The following AK7 variants were observed in gnomAD, a reference collection of about 807,000 sequenced individuals.
AK7 encodes ATP-AMP transphosphorylase 7.
AK7 carries 78 observed loss-of-function variants against 96.6 expected under a neutral mutation model. The ratio of observed to expected loss-of-function variants is 0.81; its 90% confidence interval spans 0.67 to 0.97. AK7 has a LOEUF of 0.97. Ranked by LOEUF, AK7 falls within the 50% of genes least tolerant of loss-of-function variation. The pLI, the probability that AK7 is intolerant of heterozygous loss-of-function variation, is 0.00. For missense variants in AK7, 855 were observed against 887.9 expected, an observed-to-expected ratio of 0.96 and a Z score of 0.47; for synonymous variants, 302 against 317.2, an observed-to-expected ratio of 0.95 and a Z score of 0.51.
intron 1 of AK7, among the ~76,000 whole-genome samples, chr14:96,396,865 C>G (rs1890110794): frequency 6.6e-6 from 1 of 152,230 alleles, no homozygotes; most frequent in South Asian, 2.1e-4. Flanking sequence ...AGCCATTGAA[C>G]ATTTAAATGT....
intron 10 of AK7, among the ~76,000 whole-genome samples, chr14:96,452,083 A>T (rs550693916): frequency 6.6e-6 from 1 of 152,336 alleles, no homozygotes; most frequent in South Asian, 2.1e-4. Context: ...TTTAATTATC[A>T]CAACTTTTCA....
In AK7 at chr14:96,472,694, TGAG is replaced by T. The variant is rs1416950076; in HGVS notation, c.1503_1505del (p.Glu502del). The T allele has an allele frequency of 5.0e-6, 8 of 1,612,534 alleles. No homozygotes were observed. The Admixed American group carries it at 5.0e-5, about 10-fold the overall frequency. ...AATATTTTGTTTTCTTAGAGGAAGATGAGGAGGAGGAAGATGATGTCAGAGGCA... is the reference window on the plus strand; with the variant it reads ...AATATTTTGTTTTCTTAGAGGAAGATGAGGAGGAAGATGATGTCAGAGGCA... On this transcript the variant is annotated inframe_deletion, in exon 14 of 18. Coordinates refer to ENST00000267584, the MANE Select transcript of AK7 (RefSeq NM_152327.5).
At chr14:96,478,393 A>C (rs1895303722) in intron 14 of AK7, 72 bp from the exon 15 acceptor site, 2 of 1,510,114 alleles carry the variant, frequency 1.3e-6, no homozygotes, top group Admixed American at 3.4e-5. Context: ...CCAGGGGGCC[A>C]TGCGTTCTCC....
chr14:96,467,937 A>G (rs1408194196), intron 12 of AK7, among the ~76,000 whole-genome samples: 1 of 152,024 alleles, frequency 6.6e-6, no homozygotes, highest in Non-Finnish European at 1.5e-5. Context: ...TCTATAAAGA[A>G]AAAAGTCAGA....
At position 96,483,168 on chromosome 14, in the gene AK7, G is replaced by A. The variant is rs1381285452; in HGVS notation, c.1923G>A (p.Glu641=). 3 of 1,613,192 alleles carry A rather than the reference G, an allele frequency of 1.9e-6. No homozygotes were observed. The highest frequency in any genetic ancestry group is 4.5e-5 in the East Asian group (2 of 44,854). Residue 641 remains glutamate, a synonymous_variant, in exon 16 of 18, where the codon GAG becomes GAA. Coordinates refer to ENST00000267584, the MANE Select transcript of AK7 (RefSeq NM_152327.5). The part of the protein sequence containing the change: ...AREAAEEAER[E]HQEAVEMAEK... ...AGGCTGCTGAGGAAGCAGAACGCGA[G>A]CACCAGGAGGCCGTGGAGATGGCAG...
intron 5 of AK7, among the ~76,000 whole-genome samples, chr14:96,422,201 G>A (rs1891743142): frequency 6.6e-6 from 1 of 152,214 alleles, no homozygotes; most frequent in Admixed American, 6.5e-5. Context: ...CATAACATCT[G>A]TATGCAGAAG....
At chr14:96,479,323 C>T (rs1200453602) in intron 15 of AK7, among the ~76,000 whole-genome samples, 9 of 151,818 alleles carry the variant, frequency 5.9e-5, no homozygotes, top group South Asian at 2.1e-4. Context: ...GTGATCTGCC[C>T]GCCTCGGCCT....
chr14:96,439,998 A>G (rs570703716), intron 6 of AK7, among the ~76,000 whole-genome samples: 18 of 152,238 alleles, frequency 1.2e-4, no homozygotes, highest in Middle Eastern at 6.8e-3. Context: ...TATTTAAAGA[A>G]GGAGTCTTAC....
At chr14:96,456,496 C>T (rs758894558) in intron 11 of AK7, 21 bp downstream of exon 11, 5 of 1,609,268 alleles carry the variant, frequency 3.1e-6, no homozygotes, top group Admixed American at 1.7e-5. Flanking sequence ...AAACTATTTT[C>T]CTGGGCATTT....
intron 8 of AK7, among the ~76,000 whole-genome samples, chr14:96,449,385 T>TA (rs1386524872): frequency 6.6e-6 from 1 of 152,266 alleles, no homozygotes; most frequent in East Asian, 1.9e-4. Flanking sequence ...TAATGCTATT[T>TA]AAAAAAATTC....
intron 2 of AK7, among the ~76,000 whole-genome samples, chr14:96,402,912 T>C (rs1046470544): frequency 9.3e-5 from 14 of 150,830 alleles, no homozygotes; most frequent in South Asian, 4.2e-4. Flanking sequence ...GCGGATCACC[T>C]GAGGTCAGGA....
intron 1 of AK7, 61 bp downstream of exon 1, chr14:96,392,320 C>G: frequency 1.4e-6 from 2 of 1,479,110 alleles, no homozygotes; most frequent in South Asian, 1.1e-5. Context: ...CCTCGGCCCC[C>G]GGTCCGCAAA....
At position 96,442,726 on chromosome 14, in the gene AK7, T is replaced by C. The variant is rs1444521378; in HGVS notation, c.691-4T>C. The C allele has an allele frequency of 1.2e-6, 2 of 1,613,742 alleles. No homozygotes were observed. Among genetic ancestry groups the C allele is most frequent in the Non-Finnish European group, 1.7e-6 (2 of 1,179,684 alleles). On this transcript the variant is annotated splice_region_variant and splice_polypyrimidine_tract_variant and intron_variant, in intron 6 of 17. Coordinates refer to ENST00000267584, the MANE Select transcript of AK7 (RefSeq NM_152327.5). Reference sequence around the variant, plus strand: ...GGACATGATTTTGCTTTTCTTCCTTTCAGATGGCTTGGTTGGGCGAGATTC... The same window carrying C: ...GGACATGATTTTGCTTTTCTTCCTTCCAGATGGCTTGGTTGGGCGAGATTC...
chr14:96,448,457 C>T (rs1445366688), intron 8 of AK7, among the ~76,000 whole-genome samples: 2 of 149,282 alleles, frequency 1.3e-5, no homozygotes, highest in Admixed American at 6.8e-5. Flanking sequence ...AGTGAGACTC[C>T]CTCTCTATAA....
intron 8 of AK7, among the ~76,000 whole-genome samples, 190 bp downstream of exon 8, chr14:96,446,797 G>A (rs975655305): frequency 2.6e-5 from 4 of 152,070 alleles, no homozygotes; most frequent in East Asian, 1.9e-4. Context: ...AAAATTAGCC[G>A]GGCATAATGG....
intron 5 of AK7, among the ~76,000 whole-genome samples, chr14:96,430,255 G>A (rs1021236958): frequency 2.0e-5 from 3 of 147,728 alleles, no homozygotes; most frequent in Non-Finnish European, 4.4e-5. Context: ...GTGCTATCTC[G>A]GCTCACTGCA....
chr14:96,394,842 GGCTT>G (rs1889972100), intron 1 of AK7, among the ~76,000 whole-genome samples: 1 of 152,132 alleles, frequency 6.6e-6, no homozygotes, highest in Non-Finnish European at 1.5e-5. Context: ...CAGGTGTGGT[GGCTT>G]GCGCCTGTAA....
intron 12 of AK7, among the ~76,000 whole-genome samples, chr14:96,458,912 CAAAAAAAA>C (rs780061684): frequency 8.5e-5 from 2 of 23,508 alleles, no homozygotes; most frequent in South Asian, 1.5e-3. Context: ...CCTGTCTCAA[CAAAAAAAA>C]AAAAAAAAAA....
intron 2 of AK7, among the ~76,000 whole-genome samples, chr14:96,401,512 T>A (rs1415061845): frequency 1.3e-5 from 2 of 152,006 alleles, no homozygotes; most frequent in Non-Finnish European, 2.9e-5. Flanking sequence ...GGAAACACCA[T>A]GCAAGGGGGA....
Sources: gnomAD v4.1 joint callset for allele counts (sites outside exome capture counted in the v4.1 genomes callset) on GRCh38, gnomAD v4.1.1 for gene constraint, MANE v1.5 for transcripts, NCBI Gene and HGNC (gene_info 2026-07-23, HGNC 2026-07-21) for gene names.